The following DAPK1 variants were observed in gnomAD, a reference collection of about 807,000 sequenced individuals.
DAPK1 encodes death-associated protein kinase 1.
Under a neutral mutation model 144.9 loss-of-function variants are expected in DAPK1, and 56 were observed. That is an observed-to-expected ratio of 0.39 (90% confidence interval 0.31 to 0.48). The LOEUF (loss-of-function observed/expected upper bound fraction) is 0.48. Ranked by LOEUF, DAPK1 falls within the 20% of genes least tolerant of loss-of-function variation. DAPK1 has a pLI of 0.95. For synonymous variants in DAPK1, 690 were observed against 749.0 expected, an observed-to-expected ratio of 0.92 and a Z score of 1.29; for missense variants, 1,454 against 1,875.4, an observed-to-expected ratio of 0.78 and a Z score of 4.15.
intron 2 of DAPK1, among the ~76,000 whole-genome samples, chr9:87,542,409 AAT>A (rs1358276948): frequency 6.6e-6 from 1 of 152,138 alleles, no homozygotes; most frequent in Admixed American, 6.5e-5. Context: ...CAGAGTAAGG[AAT>A]AAAGTCATGC....
intron 3 of DAPK1, 114 bp downstream of exon 3, chr9:87,605,289 T>C (rs1828676339): frequency 1.2e-6 from 1 of 839,988 alleles, no homozygotes; most frequent in African/African-American, 1.7e-5. Flanking sequence ...GAATTGGTTC[T>C]GCTGTATGAG....
At chr9:87,672,489 C>T (rs370757929) in intron 19 of DAPK1, among the ~76,000 whole-genome samples, 6 of 152,306 alleles carry the variant, frequency 3.9e-5, no homozygotes, top group African/African-American at 1.2e-4. Context: ...CCTTTCCACA[C>T]TGGCTGCTGT....
chr9:87,499,400 A>G, intron 2 of DAPK1: 1 of 470,080 alleles, frequency 2.1e-6, no homozygotes. Context: ...ATCAGATTTA[A>G]TTGTCCGTGC....
chr9:87,702,305 A>T (rs532303772), intron 24 of DAPK1, among the ~76,000 whole-genome samples: 5 of 152,314 alleles, frequency 3.3e-5, no homozygotes, highest in Middle Eastern at 6.8e-3. Context: ...AGTCTGTAAC[A>T]TATGCTGATC....
chr9:87,525,476 A>G (rs1490911036), intron 2 of DAPK1: 1 of 1,518,612 alleles, frequency 6.6e-7, no homozygotes, highest in African/African-American at 1.4e-5. Flanking sequence ...GTTGGACTAA[A>G]TGATCTTCCT....
At position 87,658,554 on chromosome 9, in the gene DAPK1, C is replaced by T. The variant is rs138772688; in HGVS notation, c.1923+427C>T. Among the ~76,000 whole-genome samples, 274 of 152,244 alleles carry T rather than the reference C, an allele frequency of 1.8e-3. 1 individual carries two copies. The highest frequency in any genetic ancestry group is 6.3e-3 in the African/African-American group (263 of 41,544). Reference sequence around the variant, plus strand: ...AGTCTCCACATTTACCCCACAAGACCAGGCTGCCAGGTGCCGTAAGCAGGA... The same window carrying T: ...AGTCTCCACATTTACCCCACAAGACTAGGCTGCCAGGTGCCGTAAGCAGGA... On this transcript the variant is annotated intron_variant, in intron 18 of 25. Coordinates refer to ENST00000408954, the MANE Select transcript of DAPK1 (RefSeq NM_004938.4).
chr9:87,707,613 A>G lies in DAPK1; in HGVS notation c.*249A>G. ...TTTTACTTTGGCCGCTTGAAAAGCT[A>G]GTGTACCTCCTCTCAGTGTTTTGGA... On this transcript the variant is annotated 3_prime_UTR_variant, in exon 26 of 26. Transcript: ENST00000408954. This position sits in a 1 kb window ranked among gnomAD's most constrained non-coding sequence, Gnocchi z 4.0. 3.7e-6 allele frequency: 2 copies of G among 545,908 alleles called. No homozygotes were observed. Among genetic ancestry groups the G allele is most frequent in the Admixed American group, 6.3e-5 (2 of 31,624 alleles). The allele number at this position is 545,908 out of a possible 1,614,324, so 33.8% of individuals were successfully genotyped here.
In DAPK1 at chr9:87,499,159, C is replaced by T. The variant is rs372058508; in HGVS notation, c.62+20C>T. The T allele has an allele frequency of 8.1e-6, 13 of 1,602,374 alleles. No homozygotes were observed. The highest frequency in any genetic ancestry group is 1.0e-5 in the Non-Finnish European group (12 of 1,169,474). ...TGGCAGGTAAAGGGGGTACCAGAAG[C>T]GTACCCTCCTGGATTGTGGAAATGC... On this transcript the variant is annotated intron_variant, in intron 2 of 25. Coordinates refer to ENST00000408954, the MANE Select transcript of DAPK1 (RefSeq NM_004938.4).
chr9:87,661,760 TTC>T (rs1458979844), intron 18 of DAPK1, among the ~76,000 whole-genome samples: 2 of 152,228 alleles, frequency 1.3e-5, no homozygotes, highest in African/African-American at 2.4e-5. Context: ...TGCGAATATT[TTC>T]TCTCATTCTG....
At chr9:87,526,053 A>T (rs529647932) in intron 2 of DAPK1, among the ~76,000 whole-genome samples, 1 of 151,884 alleles carries the variant, frequency 6.6e-6, no homozygotes, top group African/African-American at 2.4e-5. Flanking sequence ...CATGCCTGTA[A>T]TCCTAGCACT....
chr9:87,561,512 CGAG>C (rs1826924018), intron 2 of DAPK1, among the ~76,000 whole-genome samples: 1 of 145,014 alleles, frequency 6.9e-6, no homozygotes, highest in Non-Finnish European at 1.5e-5. Context: ...GGCGACAGAG[CGAG>C]ACTCCGTCTC....
intron 10 of DAPK1, 37 bp from the exon 11 acceptor site, chr9:87,643,339 C>T (rs767709745): frequency 2.1e-5 from 26 of 1,253,520 alleles, no homozygotes; most frequent in East Asian, 1.0e-4. Flanking sequence ...TTTTCCTCCC[C>T]GCCCTCCCTT....
chr9:87,527,606 A>C (rs758255387), intron 2 of DAPK1, among the ~76,000 whole-genome samples: 1 of 152,210 alleles, frequency 6.6e-6, no homozygotes, highest in Non-Finnish European at 1.5e-5. Context: ...GAGCTGGCAA[A>C]AGATCCCTAA....
intron 2 of DAPK1, among the ~76,000 whole-genome samples, chr9:87,594,245 T>G (rs1828238676): frequency 6.6e-6 from 1 of 152,194 alleles, no homozygotes; most frequent in South Asian, 2.1e-4. Context: ...CAACACTTAC[T>G]TTCTTCCTTC....
chr9:87,583,220 G>T (rs923999830), intron 2 of DAPK1, among the ~76,000 whole-genome samples: 1 of 152,034 alleles, frequency 6.6e-6, no homozygotes, highest in Admixed American at 6.6e-5. Context: ...CTTTATTGTG[G>T]TATTTGAGAA....
rs758475962 is a variant in DAPK1 at position 87,703,045 on chromosome 9, C to T, written c.2888C>T (p.Thr963Ile). 6.3e-7 allele frequency: 1 copy of T among 1,584,264 alleles called. No homozygotes were observed. The highest frequency in any genetic ancestry group is 8.7e-7 in the Non-Finnish European group (1 of 1,152,908). ...SQIVSVCPPM[T>I]HLCEKIISTL... is the part of the protein sequence containing the mutation. ...CCCCTCTAGGTCTGTCCTCCCATGA[C>T]TCACCTGTGTGAGAAAATCATCTCC... is the stretch of plus-strand genomic sequence containing the variant. Residue 963 changes from threonine to isoleucine, a missense_variant, in exon 25 of 26, where the codon ACT (threonine) becomes ATT (isoleucine). Coordinates refer to ENST00000408954, the MANE Select transcript of DAPK1 (RefSeq NM_004938.4).
chr9:87,572,073 G>T (rs1224735928), intron 2 of DAPK1, among the ~76,000 whole-genome samples: 1 of 152,226 alleles, frequency 6.6e-6, no homozygotes, highest in African/African-American at 2.4e-5. Context: ...AGAAAGACTT[G>T]CTCAGCATTG....
intron 18 of DAPK1, among the ~76,000 whole-genome samples, chr9:87,661,496 G>C (rs2094552357): frequency 6.6e-6 from 1 of 152,072 alleles, no homozygotes; most frequent in South Asian, 2.1e-4. Flanking sequence ...GTTATTTTTT[G>C]ACTTTTTAAT....
intron 3 of DAPK1, among the ~76,000 whole-genome samples, chr9:87,621,673 G>C (rs1829297946): frequency 6.6e-6 from 1 of 152,230 alleles, no homozygotes; most frequent in Non-Finnish European, 1.5e-5. Context: ...CTTGCTTTGG[G>C]TTTGAAATCA....
Sources: allele counts gnomAD v4.1 joint callset (sites outside exome capture counted in the v4.1 genomes callset), GRCh38; gene constraint gnomAD v4.1.1; non-coding constraint Gnocchi (gnomAD v3.1); transcripts MANE v1.5; gene names NCBI Gene and HGNC (gene_info 2026-07-23, HGNC 2026-07-21).